BCL11B: variants seen among roughly 807,000 people sequenced by gnomAD.
BCL11B encodes BCL11 transcription factor B, also known as B-cell lymphoma/leukemia 11B.
Under a neutral mutation model 49.9 loss-of-function variants are expected in BCL11B, and 8 were observed. That is an observed-to-expected ratio of 0.16 (90% CI 0.09 to 0.29). BCL11B has a LOEUF of 0.29. BCL11B is among the 10% of genes least tolerant of loss of function. The pLI, the probability that BCL11B is intolerant of heterozygous loss-of-function variation, is 1.00. For missense variants in BCL11B, 1,006 were observed against 1,351.0 expected, an observed-to-expected ratio of 0.74 and a Z score of 4.00; for synonymous variants, 739 against 637.4, an observed-to-expected ratio of 1.16 and a Z score of -2.40.
chr14:99,240,285 T>C (rs1397991035), intron 2 of BCL11B, among the ~76,000 whole-genome samples: 1 of 152,238 alleles, frequency 6.6e-6, no homozygotes, highest in Non-Finnish European at 1.5e-5. Flanking sequence ...TTGCATTTGA[T>C]AGAATTATAG....
rs1886296201 is a variant in BCL11B at position 99,171,715 on chromosome 14, T to C, written c.*2436A>G. On this transcript the variant is annotated 3_prime_UTR_variant, in exon 4 of 4. Coordinates refer to ENST00000357195, the MANE Select transcript of BCL11B (RefSeq NM_138576.4). ...CTTTGAATCCCCAAATACAAGTTTC[T>C]ATACATTTTTTTTGAAATAAAAATT... 1 of 209,954 alleles carries C rather than the reference T, an allele frequency of 4.8e-6. No individual in the cohort carries two copies. The highest frequency in any genetic ancestry group is 9.7e-6 in the Non-Finnish European group (1 of 103,328). 13.0% of individuals were successfully genotyped at this position (209,954 alleles called of 1,614,324 possible).
In BCL11B at chr14:99,213,431, G is replaced by A. The variant is rs1055004095; in HGVS notation, c.640+17914C>T. Among the ~76,000 whole-genome samples the A allele has an allele frequency of 5.3e-5, 8 of 152,176 alleles. No homozygotes were observed. Among genetic ancestry groups the A allele is most frequent in the Non-Finnish European group, 8.8e-5 (6 of 68,046 alleles). The stretch of plus-strand genomic sequence containing the variant: ...TGCGACGTTTCCCCTCCAAAAATTC[G>A]AGGAACACCAAAATGACTCTCATCT... On this transcript the variant is annotated intron_variant, in intron 3 of 3. Transcript: ENST00000357195. The surrounding 1 kb of genome is among the most constrained non-coding windows in gnomAD (Gnocchi z 5.1).
At chr14:99,237,226 CTTT>C (rs1286020207) in intron 2 of BCL11B, among the ~76,000 whole-genome samples, 1 of 139,584 alleles carries the variant, frequency 7.2e-6, no homozygotes, top group Non-Finnish European at 1.5e-5. Context: ...TATTTCATTT[CTTT>C]TTTTTTCTTT....
rs1889693303 is a variant in BCL11B at position 99,271,620 on chromosome 14, G to A, written c.-402C>T. The A allele has an allele frequency of 5.0e-6, 1 of 199,948 alleles. No individual in the cohort carries two copies. Among genetic ancestry groups the A allele is most frequent in the Admixed American group, 6.0e-5 (1 of 16,582 alleles). The allele number at this position is 199,948 out of a possible 1,614,324, so 12.4% of individuals were successfully genotyped here. On this transcript the variant is annotated 5_prime_UTR_variant, in exon 1 of 4. Transcript: ENST00000357195. ...CTCTTACACTTCTTCAAACTGCTTG[G>A]CCTCTTGCACTTGCAAATGTCTTCT...
intron 2 of BCL11B, among the ~76,000 whole-genome samples, chr14:99,239,323 TGAAGAATAA>T (rs1051428679): frequency 2.6e-5 from 4 of 152,234 alleles, no homozygotes; most frequent in African/African-American, 9.6e-5. Context: ...GTCATCTGCA[TGAAGAATAA>T]CTCAACGAAG....
At chr14:99,214,080 C>T (rs1204697401) in intron 3 of BCL11B, among the ~76,000 whole-genome samples, 1 of 152,178 alleles carries the variant, frequency 6.6e-6, no homozygotes, top group Admixed American at 6.5e-5. Context: ...ATATTACTGA[C>T]CCCCTTGGTG....
rs537180439 is a variant in BCL11B, at chr14:99,253,943, G to T, written c.427+3528C>A. ...AAAGACCCTGCCTCTGACCAGCTTC[G>T]CCCCATCCCCAGAGAGGCCTGAAAC... On this transcript the variant is annotated intron_variant, in intron 2 of 3. Transcript: ENST00000357195. Among the ~76,000 whole-genome samples, 138 of 152,162 alleles carry T rather than the reference G, an allele frequency of 9.1e-4. 1 individual carries two copies. The highest frequency in any genetic ancestry group is 1.2e-3 in the Non-Finnish European group (79 of 68,026).
At chr14:99,189,129 G>A (rs1886947986) in intron 3 of BCL11B, among the ~76,000 whole-genome samples, 1 of 152,240 alleles carries the variant, frequency 6.6e-6, no homozygotes, top group Non-Finnish European at 1.5e-5. Flanking sequence ...AATGTCAGAT[G>A]TACTTTAATA....
chr14:99,203,785 C>T (rs1486482968), intron 3 of BCL11B, among the ~76,000 whole-genome samples: 6 of 152,170 alleles, frequency 3.9e-5, no homozygotes, highest in African/African-American at 1.4e-4. Context: ...TCATTACAGG[C>T]CAGCACAGTG....
chr14:99,229,732 G>A lies in BCL11B; in HGVS notation c.640+1613C>T, dbSNP rs77726852. Among the ~76,000 whole-genome samples, 161 of 152,278 alleles carry A rather than the reference G, an allele frequency of 1.1e-3. 2 individuals are homozygous for A. Among genetic ancestry groups the A allele is most frequent in the East Asian group, 5.0e-3 (26 of 5,182 alleles). On this transcript the variant is annotated intron_variant, in intron 3 of 3. Coordinates refer to ENST00000357195, the MANE Select transcript of BCL11B (RefSeq NM_138576.4). ...ATCAGATTTCTGTGCCACGGAACTT[G>A]ACCGCGTCCAGTAATAAACACTCAG...
At position 99,248,991 on chromosome 14, in the gene BCL11B, A is replaced by G. The variant is rs1888924517; in HGVS notation, c.427+8480T>C. Among the ~76,000 whole-genome samples the G allele has an allele frequency of 6.6e-6, 1 of 152,158 alleles. No homozygotes were observed. The highest frequency in any genetic ancestry group is 2.1e-4 in the South Asian group (1 of 4,818). On this transcript the variant is annotated intron_variant, in intron 2 of 3. Transcript: ENST00000357195. This position sits in a 1 kb window ranked among gnomAD's most constrained non-coding sequence, Gnocchi z 4.7. ...GGACTCAACAGGGCCACTTGCCTGTAACTCATGACGAGGTGGGGGCCAGCT... is the reference window on the plus strand; with the variant it reads ...GGACTCAACAGGGCCACTTGCCTGTGACTCATGACGAGGTGGGGGCCAGCT...
intron 2 of BCL11B, among the ~76,000 whole-genome samples, chr14:99,255,961 C>T (rs922838741): frequency 6.6e-6 from 1 of 152,206 alleles, no homozygotes; most frequent in Non-Finnish European, 1.5e-5. Flanking sequence ...CTGATGTCTC[C>T]CCAGTGCCTG....
chr14:99,217,090 A>G (rs1887862535), intron 3 of BCL11B, among the ~76,000 whole-genome samples: 1 of 152,158 alleles, frequency 6.6e-6, no homozygotes, highest in African/African-American at 2.4e-5. Context: ...ACACCCCCAC[A>G]TTCACACACT....
At chr14:99,254,188 G>T (rs1422044284) in intron 2 of BCL11B, among the ~76,000 whole-genome samples, 2 of 152,220 alleles carry the variant, frequency 1.3e-5, no homozygotes, top group African/African-American at 4.8e-5. Flanking sequence ...GTTGCTGAAT[G>T]AATGAATGAA....
chr14:99,250,427 AAAAT>A (rs1888975926), intron 2 of BCL11B, among the ~76,000 whole-genome samples: 1 of 152,126 alleles, frequency 6.6e-6, no homozygotes, highest in Admixed American at 6.5e-5. Context: ...CTCTGTCTCA[AAAAT>A]AAATAAATAA....
chr14:99,226,672 G>A (rs936512516), intron 3 of BCL11B, among the ~76,000 whole-genome samples: 4 of 152,248 alleles, frequency 2.6e-5, no homozygotes, highest in Middle Eastern at 3.2e-3. Context: ...AATTGCATCA[G>A]GCTTCCACAG....
intron 3 of BCL11B, among the ~76,000 whole-genome samples, chr14:99,226,404 C>T (rs551386094): frequency 6.6e-6 from 1 of 152,302 alleles, no homozygotes; most frequent in South Asian, 2.1e-4. Context: ...GTCTCAGTGG[C>T]CGATCTAACA....
At position 99,185,772 on chromosome 14, in the gene BCL11B, T is replaced by C. The variant is rs530429844; in HGVS notation, c.641-9577A>G. ...TCGCCCTCCTGACCCAGGGTAAGTG[T>C]TAGGTGTGCAGAAGACACCCTGCTC... is the stretch of plus-strand genomic sequence containing the variant. On this transcript the variant is annotated intron_variant, in intron 3 of 3. Transcript: ENST00000357195. Among the ~76,000 whole-genome samples the C allele has an allele frequency of 1.4e-3, 217 of 151,646 alleles. 1 individual carries two copies. Among genetic ancestry groups the C allele is most frequent in the African/African-American group, 5.1e-3 (207 of 40,956 alleles).
chr14:99,220,696 G>A (rs1476849408), intron 3 of BCL11B, among the ~76,000 whole-genome samples: 2 of 151,992 alleles, frequency 1.3e-5, no homozygotes, highest in South Asian at 2.1e-4. Flanking sequence ...TATTGCCACC[G>A]AACTGTGCAC....
Sources: gnomAD v4.1 joint callset for allele counts (sites outside exome capture counted in the v4.1 genomes callset) on GRCh38, gnomAD v4.1.1 for gene constraint, Gnocchi (gnomAD v3.1) non-coding constraint, MANE v1.5 for transcripts, NCBI Gene and HGNC (gene_info 2026-07-23, HGNC 2026-07-21) for gene names.